The following STX17 variants were observed in gnomAD, a reference collection of about 807,000 sequenced individuals.
STX17 encodes the protein syntaxin 17.
In STX17, 29 loss-of-function variants were observed where a neutral mutation model predicts 35.9. The observed-to-expected ratio is 0.81, with a 90% CI of 0.60 to 1.10. The LOEUF (loss-of-function observed/expected upper bound fraction) is 1.10. STX17 is among the 50% of genes least tolerant of loss of function. STX17 has a pLI of 0.00. For missense variants in STX17, 312 were observed against 352.3 expected (o/e 0.89, Z 0.92); for synonymous variants, 92 against 118.3 (o/e 0.78, Z 1.44).
intron 3 of STX17, among the ~76,000 whole-genome samples, chr9:99,939,151 AAC>A (rs1422760492): frequency 1.3e-5 from 2 of 152,144 alleles, no homozygotes; most frequent in Non-Finnish European, 2.9e-5. Flanking sequence ...AAAAGGGAGA[AAC>A]AATAGAAAAG....
intron 6 of STX17, among the ~76,000 whole-genome samples, chr9:99,966,851 G>T (rs1344454236): frequency 6.6e-6 from 1 of 152,206 alleles, no homozygotes; most frequent in East Asian, 1.9e-4. Context: ...CTGAGCAGAG[G>T]TTCAGTAACC....
intron 2 of STX17, among the ~76,000 whole-genome samples, chr9:99,924,782 T>C (rs1485460846): frequency 6.6e-6 from 1 of 151,432 alleles, no homozygotes; most frequent in Non-Finnish European, 1.5e-5. Context: ...TTTTTTAACC[T>C]TATTGCCCTG....
intron 3 of STX17, among the ~76,000 whole-genome samples, chr9:99,933,131 T>C (rs1829158734): frequency 1.3e-5 from 2 of 152,168 alleles, no homozygotes; most frequent in Admixed American, 1.3e-4. Context: ...GAGGTAGACA[T>C]CAATAAAATT....
At chr9:99,918,765 C>A (rs1427475089) in intron 2 of STX17, among the ~76,000 whole-genome samples, 2 of 152,000 alleles carry the variant, frequency 1.3e-5, no homozygotes, top group Non-Finnish European at 2.9e-5. Flanking sequence ...AATTGGAGAA[C>A]CACTAGATGT....
At chr9:99,921,541 T>C (rs1337521309) in intron 2 of STX17, among the ~76,000 whole-genome samples, 1 of 151,542 alleles carries the variant, frequency 6.6e-6, no homozygotes, top group Non-Finnish European at 1.5e-5. Context: ...TTGATGAAAA[T>C]GTTGGACAGG....
intron 3 of STX17, among the ~76,000 whole-genome samples, chr9:99,948,044 T>G (rs1257380755): frequency 9.9e-5 from 15 of 152,058 alleles, no homozygotes; most frequent in Admixed American, 9.8e-4. Flanking sequence ...TCACCTAGCC[T>G]GCTGTTTTCA....
chr9:99,922,874 GTT>G (rs1167614514), intron 2 of STX17, among the ~76,000 whole-genome samples: 2 of 152,184 alleles, frequency 1.3e-5, no homozygotes, highest in Non-Finnish European at 2.9e-5. Context: ...GCCAAAAGTT[GTT>G]CTTCCCAAGG....
At position 99,968,689 on chromosome 9, in the gene STX17, A is replaced by G; in HGVS notation, c.*16A>G. The G allele has an allele frequency of 6.2e-7, 1 of 1,608,302 alleles. No homozygotes were observed. The highest frequency in any genetic ancestry group is 1.1e-5 in the South Asian group (1 of 89,808). ...ATGCAGTTAAAAACCAAATTTCAGTATTATTGGTGCCAACATGTCTATCCT... is the reference window on the plus strand; with the variant it reads ...ATGCAGTTAAAAACCAAATTTCAGTGTTATTGGTGCCAACATGTCTATCCT... On this transcript the variant is annotated 3_prime_UTR_variant, in exon 8 of 8. Coordinates refer to ENST00000259400, the MANE Select transcript of STX17 (RefSeq NM_017919.3).
intron 2 of STX17, among the ~76,000 whole-genome samples, chr9:99,922,051 G>T (rs1828900494): frequency 2.0e-5 from 3 of 151,980 alleles, no homozygotes; most frequent in Non-Finnish European, 4.4e-5. Flanking sequence ...ACTGTTTATT[G>T]CATAGCTCAG....
At chr9:99,943,591 G>A (rs1829413523) in intron 3 of STX17, among the ~76,000 whole-genome samples, 1 of 152,188 alleles carries the variant, frequency 6.6e-6, no homozygotes, top group African/African-American at 2.4e-5. Context: ...TTACAGGCGT[G>A]AGCCACTGCA....
chr9:99,968,436 T>C lies in STX17; in HGVS notation c.672T>C (p.Ala224=). Residue 224 remains alanine (A), a splice_region_variant and synonymous_variant, in exon 8 of 8, where the codon GCT becomes GCC. Coordinates refer to ENST00000259400, the MANE Select transcript of STX17 (RefSeq NM_017919.3). ...VEEGTKNLGK[A]AKYKLAALPV... ...TTGAATTTTTTTTTTTTTTACAGGC[T>C]GCAAAATACAAGCTGGCAGCTCTGC... 6.5e-7 allele frequency: 1 copy of C among 1,530,950 alleles called. No individual in the cohort carries two copies. Among genetic ancestry groups the C allele is most frequent in the Non-Finnish European group, 8.8e-7 (1 of 1,142,306 alleles). The allele number at this position is 1,530,950 out of a possible 1,614,324, so 94.8% of individuals were successfully genotyped here. A position where few individuals can be genotyped will look rare whatever the true frequency, so the allele number is the denominator to read the frequency against.
At chr9:99,959,456 CTT>C (rs35078503) in intron 4 of STX17, among the ~76,000 whole-genome samples, 7,762 of 111,008 alleles carry the variant, frequency 0.07, 247 homozygotes, top group Non-Finnish European at 0.095. Flanking sequence ...ATGGATAAAT[CTT>C]TTTTTTTTTT....
chr9:99,973,087 G>A lies in STX17; in HGVS notation c.*4414G>A, dbSNP rs369436591. ...CATAATTTACATTCATTAATTTGAT[G>A]CCCTTTTACAAAGAAACTTCTTAGG... is the stretch of plus-strand genomic sequence containing the variant. On this transcript the variant is annotated 3_prime_UTR_variant, in exon 8 of 8. Coordinates refer to ENST00000259400, the MANE Select transcript of STX17 (RefSeq NM_017919.3). 7.3e-4 allele frequency among the ~76,000 whole-genome samples: 111 copies of A among 151,988 alleles called. 1 individual carries two copies. In the Middle Eastern group the frequency reaches 0.024, roughly 33 times the overall value.
chr9:99,921,423 A>G (rs1828884340), intron 2 of STX17, among the ~76,000 whole-genome samples: 3 of 152,172 alleles, frequency 2.0e-5, no homozygotes, highest in South Asian at 4.1e-4. Flanking sequence ...TACAGTTATC[A>G]TTGTTATATT....
At chr9:99,939,197 A>G (rs535695902) in intron 3 of STX17, among the ~76,000 whole-genome samples, 1 of 152,316 alleles carries the variant, frequency 6.6e-6, no homozygotes, top group South Asian at 2.1e-4. Context: ...AGAAGCAAAT[A>G]TAGTAGACTG....
At chr9:99,949,365 T>G (rs2031034) in intron 3 of STX17, among the ~76,000 whole-genome samples, 40,247 of 151,062 alleles carry the variant, frequency 0.27, 6,142 homozygotes, top group Non-Finnish European at 0.35. Flanking sequence ...AACTAAACTA[T>G]TTTTTTTTCT....
At chr9:99,924,334 A>G (rs1828946818) in intron 2 of STX17, among the ~76,000 whole-genome samples, 1 of 152,148 alleles carries the variant, frequency 6.6e-6, no homozygotes, top group African/African-American at 2.4e-5. Flanking sequence ...TGTGTCTGTC[A>G]TGTGTCCCAC....
chr9:99,942,225 A>C lies in STX17; in HGVS notation c.190-8835A>C, dbSNP rs563773653. On this transcript the variant is annotated intron_variant, in intron 3 of 7. Coordinates refer to ENST00000259400, the MANE Select transcript of STX17 (RefSeq NM_017919.3). The stretch of plus-strand genomic sequence containing the variant: ...ATTTACCTGATTATTCATGAGATTA[A>C]TTTTTCATGTGTTTATGAGACATGC... 3.3e-5 allele frequency among the ~76,000 whole-genome samples: 5 copies of C among 152,176 alleles called. No individual in the cohort carries two copies. In the East Asian group the frequency reaches 9.6e-4, roughly 29 times the overall value.
intron 2 of STX17, among the ~76,000 whole-genome samples, chr9:99,923,003 C>T (rs1828917327): frequency 6.6e-6 from 1 of 152,178 alleles, no homozygotes; most frequent in African/African-American, 2.4e-5. Flanking sequence ...GACAAATAAA[C>T]CTCTCAAAAC....
Sources: allele counts gnomAD v4.1 joint callset (sites outside exome capture counted in the v4.1 genomes callset), GRCh38; gene constraint gnomAD v4.1.1; transcripts MANE v1.5; gene names NCBI Gene and HGNC (gene_info 2026-07-23, HGNC 2026-07-21).